DGKI: variants seen among roughly 807,000 people sequenced by gnomAD.
DGKI encodes diacylglycerol kinase iota.
In DGKI, 55 loss-of-function variants were observed where a neutral mutation model predicts 147.5. That is an observed-to-expected ratio of 0.37 (90% CI 0.30 to 0.47). DGKI has a LOEUF of 0.47. Ranked by LOEUF, DGKI falls within the 20% of genes least tolerant of loss-of-function variation. The pLI is 1.00. For missense variants in DGKI, 1,007 were observed against 1,323.8 expected (o/e 0.76, Z 3.71); for synonymous variants, 469 against 477.1 (o/e 0.98, Z 0.22).
At chr7:137,766,145 G>A (rs1796007886) in intron 1 of DGKI, among the ~76,000 whole-genome samples, 2 of 152,294 alleles carry the variant, frequency 1.3e-5, no homozygotes, top group African/African-American at 2.4e-5. Context: ...AAGAGGAAAG[G>A]AAGAAAGGTA....
At chr7:137,623,268 T>C (rs1375736247) in intron 7 of DGKI, among the ~76,000 whole-genome samples, 1 of 152,202 alleles carries the variant, frequency 6.6e-6, no homozygotes, top group Non-Finnish European at 1.5e-5. Context: ...GTACATAAAA[T>C]ATAGAAGTTA....
chr7:137,665,431 A>G (rs1056734678), intron 3 of DGKI, among the ~76,000 whole-genome samples: 1 of 152,200 alleles, frequency 6.6e-6, no homozygotes, highest in African/African-American at 2.4e-5. Flanking sequence ...TTTGCTGTTC[A>G]TGTGTATGCT....
intron 21 of DGKI, 93 bp downstream of exon 21, chr7:137,521,773 C>A: frequency 1.1e-6 from 1 of 885,304 alleles, no homozygotes; most frequent in East Asian, 2.6e-5. Context: ...TTTTCAGGCA[C>A]AAGGATAAAT....
At chr7:137,585,376 G>A (rs1563098326) in intron 13 of DGKI, 30 bp from the exon 14 acceptor site, 4 of 1,608,240 alleles carry the variant, frequency 2.5e-6, no homozygotes, top group Admixed American at 1.7e-5. Context: ...ATCCATTGCT[G>A]TCCAGAGTGG....
At chr7:137,656,219 C>T (rs1437011062) in intron 4 of DGKI, among the ~76,000 whole-genome samples, 1 of 152,214 alleles carries the variant, frequency 6.6e-6, no homozygotes, top group Non-Finnish European at 1.5e-5. Flanking sequence ...CAGGCTTTTC[C>T]ATCTAACTGT....
intron 21 of DGKI, among the ~76,000 whole-genome samples, chr7:137,517,268 G>GA (rs1816783954): frequency 3.4e-4 from 31 of 90,872 alleles, no homozygotes; most frequent in Non-Finnish European, 4.8e-4. Context: ...AAGAAAGAAA[G>GA]AAAGAAAAGA....
At chr7:137,427,235 G>C (rs1812853528) in intron 28 of DGKI, among the ~76,000 whole-genome samples, 1 of 152,114 alleles carries the variant, frequency 6.6e-6, no homozygotes, top group Non-Finnish European at 1.5e-5. Context: ...TAGAACTCAG[G>C]ATTAAGAAAC....
chr7:137,686,431 G>A (rs1439726375), intron 2 of DGKI, among the ~76,000 whole-genome samples: 1 of 152,190 alleles, frequency 6.6e-6, no homozygotes, highest in Admixed American at 6.5e-5. Context: ...GAAAATGACT[G>A]TGCACAGGCA....
At chr7:137,542,320 T>C (rs1228997827) in intron 20 of DGKI, among the ~76,000 whole-genome samples, 2 of 152,208 alleles carry the variant, frequency 1.3e-5, no homozygotes, top group East Asian at 3.8e-4. Flanking sequence ...TCAATGTTTA[T>C]AGGAACTCTA....
Position 137,774,088 on chromosome 7 carries a change from T to G in DGKI, c.401+72374A>C, listed in dbSNP as rs562809548. ...ACCAAACTTTTTCAGTCACTTACAC[T>G]TACTTTCTTAACTGGGTCCCTTATA... On this transcript the variant is annotated intron_variant, in intron 1 of 32. Transcript: ENST00000614521. Among the ~76,000 whole-genome samples, 67 of 152,352 alleles carry G rather than the reference T, an allele frequency of 4.4e-4. 1 individual carries two copies. In the South Asian group the frequency reaches 0.013, roughly 31 times the overall value.
chr7:137,496,354 G>A (rs2128940215), intron 21 of DGKI, among the ~76,000 whole-genome samples: 1 of 152,138 alleles, frequency 6.6e-6, no homozygotes, highest in Middle Eastern at 3.4e-3. Context: ...TGGATAGGAA[G>A]AATCAATATC....
chr7:137,846,512 C>A lies in DGKI; in HGVS notation c.351G>T (p.Ala117=), dbSNP rs1798737535. ...AAAGQKEKDE[A]LEEKLRNLTF... Reference sequence around the variant, plus strand: ...TTAAGTTCCTCAGCTTCTCCTCCAGCGCTTCGTCCTTCTCCTTCTGGCCGG... The same window carrying A: ...TTAAGTTCCTCAGCTTCTCCTCCAGAGCTTCGTCCTTCTCCTTCTGGCCGG... The change falls in exon 1 of 33, where the codon GCG becomes GCT. Residue 117 remains alanine, a synonymous_variant. Transcript: ENST00000614521. This position sits in a 1 kb window ranked among gnomAD's most constrained non-coding sequence, Gnocchi z 4.0. 2 of 1,585,290 alleles carry A rather than the reference C, an allele frequency of 1.3e-6. No individual in the cohort carries two copies. The highest frequency in any genetic ancestry group is 1.1e-5 in the South Asian group (1 of 90,782).
chr7:137,720,264 T>C (rs905899741), intron 1 of DGKI, among the ~76,000 whole-genome samples: 1 of 142,254 alleles, frequency 7.0e-6, no homozygotes, highest in African/African-American at 2.6e-5. Context: ...TTTTTTTTTT[T>C]TTTTTTTTTT....
At chr7:137,722,984 A>G in intron 1 of DGKI, 1 of 560,868 alleles carries the variant, frequency 1.8e-6, no homozygotes, top group Non-Finnish European at 3.1e-6. Flanking sequence ...AGATAAATGA[A>G]TCTACTTCTC....
intron 1 of DGKI, among the ~76,000 whole-genome samples, chr7:137,772,922 T>C (rs1322804167): frequency 1.3e-5 from 2 of 152,028 alleles, no homozygotes; most frequent in Admixed American, 6.6e-5. Context: ...CACTAGACAA[T>C]GGGGGTGGAG....
At chr7:137,828,419 C>T (rs746643979) in intron 1 of DGKI, among the ~76,000 whole-genome samples, 20 of 152,118 alleles carry the variant, frequency 1.3e-4, no homozygotes, top group Non-Finnish European at 2.4e-4. Flanking sequence ...CCAATGTTCT[C>T]CCAGTGATGC....
At chr7:137,703,920 A>G (rs980289891) in intron 1 of DGKI, among the ~76,000 whole-genome samples, 1 of 152,204 alleles carries the variant, frequency 6.6e-6, no homozygotes, top group African/African-American at 2.4e-5. Context: ...ACATTTTTTA[A>G]AAATTGCAGG....
intron 1 of DGKI, among the ~76,000 whole-genome samples, chr7:137,752,456 C>T (rs1199782562): frequency 6.6e-6 from 1 of 152,062 alleles, no homozygotes; most frequent in East Asian, 1.9e-4. Context: ...TGTCTTATGC[C>T]CAATTTCTGC....
At chr7:137,464,997 G>A (rs1282775132) in intron 26 of DGKI, among the ~76,000 whole-genome samples, 1 of 152,110 alleles carries the variant, frequency 6.6e-6, no homozygotes, top group African/African-American at 2.4e-5. Flanking sequence ...CTTACACTAG[G>A]ACCTGGCACA....
Sources: allele counts gnomAD v4.1 joint callset (sites outside exome capture counted in the v4.1 genomes callset), GRCh38; gene constraint gnomAD v4.1.1; non-coding constraint Gnocchi (gnomAD v3.1); transcripts MANE v1.5; gene names NCBI Gene and HGNC (gene_info 2026-07-23, HGNC 2026-07-21).